ZNRF3: variants seen among roughly 807,000 people sequenced by gnomAD.
ZNRF3 encodes E3 ubiquitin-protein ligase ZNRF3.
ZNRF3 carries 23 observed loss-of-function variants against 72.5 expected under a neutral mutation model. The observed-to-expected ratio is 0.32, with a 90% confidence interval of 0.23 to 0.45. The LOEUF is 0.45. Among genes scored for constraint, ZNRF3 ranks in the 20% least tolerant of loss-of-function variants. The pLI is 1.00. For synonymous variants in ZNRF3, 610 were observed against 545.3 expected (o/e 1.12, Z -1.65); for missense variants, 1,169 against 1,272.1 (o/e 0.92, Z 1.23).
intron 1 of ZNRF3, among the ~76,000 whole-genome samples, chr22:28,911,988 A>G (rs1474095954): frequency 6.6e-6 from 1 of 152,228 alleles, no homozygotes; most frequent in African/African-American, 2.4e-5. Context: ...CACTGGGATA[A>G]ACTTTGTTTG....
chr22:29,038,559 G>A (rs1426087409), intron 2 of ZNRF3, among the ~76,000 whole-genome samples: 2 of 152,048 alleles, frequency 1.3e-5, no homozygotes, highest in African/African-American at 4.8e-5. Flanking sequence ...TTGAACTCCT[G>A]GCTTCAAGCA....
At chr22:28,912,618 A>G (rs1441012113) in intron 1 of ZNRF3, among the ~76,000 whole-genome samples, 1 of 151,632 alleles carries the variant, frequency 6.6e-6, no homozygotes, top group Non-Finnish European at 1.5e-5. Flanking sequence ...GGAGATCCAC[A>G]AAGACCGTCC....
In ZNRF3 at chr22:29,048,344, C is replaced by T; in HGVS notation, c.913-45C>T. ...TGCTGGACTCTGCAGGAGGACACAC[C>T]TGCGAGGCTGAAGGCAGACTTGTGT... On this transcript the variant is annotated intron_variant, in intron 6 of 8. Coordinates refer to ENST00000544604, the MANE Select transcript of ZNRF3 (RefSeq NM_001206998.2). The surrounding 1 kb of genome is among the most constrained non-coding windows in gnomAD (Gnocchi z 4.9). 6.4e-7 allele frequency: 1 copy of T among 1,559,770 alleles called. No homozygotes were observed. Among genetic ancestry groups the T allele is most frequent in the Non-Finnish European group, 8.8e-7 (1 of 1,132,804 alleles).
chr22:28,974,681 T>G (rs1336251550), intron 1 of ZNRF3, among the ~76,000 whole-genome samples: 1 of 152,246 alleles, frequency 6.6e-6, no homozygotes, highest in Non-Finnish European at 1.5e-5. Context: ...AGAGTCTCAC[T>G]CTTGTCCAGG....
At chr22:29,009,764 C>A (rs1263339610) in intron 2 of ZNRF3, among the ~76,000 whole-genome samples, 2 of 152,092 alleles carry the variant, frequency 1.3e-5, no homozygotes, top group African/African-American at 2.4e-5. Context: ...GACCTTGAAT[C>A]TTCTCTCTCT....
intron 1 of ZNRF3, among the ~76,000 whole-genome samples, chr22:28,960,813 A>C (rs1294285521): frequency 1.3e-5 from 2 of 152,046 alleles, no homozygotes; most frequent in African/African-American, 4.8e-5. Flanking sequence ...GATCCCCAGC[A>C]ATTCCAATTC....
At chr22:28,971,490 G>A (rs1252187114) in intron 1 of ZNRF3, among the ~76,000 whole-genome samples, 1 of 152,202 alleles carries the variant, frequency 6.6e-6, no homozygotes, top group Non-Finnish European at 1.5e-5. Flanking sequence ...TAGCATGAAA[G>A]TGGTTCTTTT....
intron 2 of ZNRF3, among the ~76,000 whole-genome samples, chr22:29,028,618 G>T (rs762076591): frequency 2.0e-4 from 31 of 152,318 alleles, no homozygotes; most frequent in Non-Finnish European, 2.2e-4. Flanking sequence ...TATGGAGAGA[G>T]GCTTAGGTCA....
At chr22:29,037,117 G>C (rs73882443) in intron 2 of ZNRF3, among the ~76,000 whole-genome samples, 2,503 of 152,236 alleles carry the variant, frequency 0.016, 77 homozygotes, top group African/African-American at 0.058. Flanking sequence ...CGCAATAAAG[G>C]GTAGGCACTA....
rs1320068916 is a variant in ZNRF3, at chr22:29,049,520, C to G, written c.1339C>G (p.Arg447Gly). The stretch of plus-strand genomic sequence containing the variant: ...GGCCTACTCCCCAGCCCACCCCTTC[C>G]GCAGGCCCAAGTTGAGTGGCCGCAG... ...HRAYSPAHPF[R>G]RPKLSGRSFS... The change falls in exon 8 of 9, where the codon CGC (arginine) becomes GGC (glycine). Residue 447 changes from arginine to glycine, a missense_variant. Arg to Gly is a moderately radical substitution (Grantham distance 125, BLOSUM62 -2). This residue lies in a region of ZNRF3 where 783 missense variants were observed against 731.4 expected (regional missense o/e 1.07). Transcript: ENST00000544604. The surrounding 1 kb of genome is among the most constrained non-coding windows in gnomAD (Gnocchi z 5.2). 2 of 1,604,970 alleles carry G rather than the reference C, an allele frequency of 1.2e-6. No homozygotes were observed. Among genetic ancestry groups the G allele is most frequent in the Middle Eastern group, 1.7e-4 (1 of 6,058 alleles).
intron 2 of ZNRF3, among the ~76,000 whole-genome samples, chr22:29,029,539 G>A (rs2036706292): frequency 6.6e-6 from 1 of 152,210 alleles, no homozygotes; most frequent in African/African-American, 2.4e-5. Context: ...GGACAGTCAT[G>A]CCAGAGGCCG....
At chr22:28,991,994 A>G (rs558022369) in intron 2 of ZNRF3, among the ~76,000 whole-genome samples, 1 of 152,140 alleles carries the variant, frequency 6.6e-6, no homozygotes, top group South Asian at 2.1e-4. Context: ...GAATAAAAAA[A>G]AAAAAATAAT....
chr22:28,890,382 C>T (rs2033862735), intron 1 of ZNRF3, among the ~76,000 whole-genome samples: 1 of 152,124 alleles, frequency 6.6e-6, no homozygotes, highest in Non-Finnish European at 1.5e-5. Context: ...GGCCTGTAGT[C>T]CCAGCTACTG....
chr22:28,951,972 C>G (rs1486884586), intron 1 of ZNRF3, among the ~76,000 whole-genome samples: 1 of 152,222 alleles, frequency 6.6e-6, no homozygotes, highest in East Asian at 1.9e-4. Flanking sequence ...CTGCTGGCCT[C>G]CACTTGCTCC....
intron 2 of ZNRF3, among the ~76,000 whole-genome samples, chr22:29,019,471 TC>T (rs2123858614): frequency 6.6e-6 from 1 of 152,256 alleles, no homozygotes; most frequent in South Asian, 2.1e-4. Flanking sequence ...TTAATTCTGT[TC>T]CCATATGAAA....
intron 1 of ZNRF3, among the ~76,000 whole-genome samples, chr22:28,937,621 G>A (rs1302787837): frequency 6.6e-6 from 1 of 152,070 alleles, no homozygotes; most frequent in Non-Finnish European, 1.5e-5. Flanking sequence ...CTTTGGGGTG[G>A]GGCCTGAGAA....
intron 6 of ZNRF3, among the ~76,000 whole-genome samples, chr22:29,047,630 G>C (rs2037100501): frequency 6.6e-6 from 1 of 152,178 alleles, no homozygotes; most frequent in Non-Finnish European, 1.5e-5. Flanking sequence ...CAGCATTCCA[G>C]GTGATCATGA....
At chr22:28,985,939 G>C (rs1196540531) in intron 1 of ZNRF3, among the ~76,000 whole-genome samples, 2 of 152,170 alleles carry the variant, frequency 1.3e-5, no homozygotes, top group Non-Finnish European at 2.9e-5. Flanking sequence ...TCAGCTTCTA[G>C]AGGCCATCGT....
chr22:29,015,313 T>G (rs1288540024), intron 2 of ZNRF3, among the ~76,000 whole-genome samples: 3 of 152,238 alleles, frequency 2.0e-5, no homozygotes, highest in Non-Finnish European at 2.9e-5. Context: ...TAACGCTTAT[T>G]GTAGCCTAAG....
Sources: gnomAD v4.1 joint callset for allele counts (sites outside exome capture counted in the v4.1 genomes callset) on GRCh38, gnomAD v4.1.1 for gene constraint, gnomAD v4.1.1 regional missense constraint, Gnocchi (gnomAD v3.1) non-coding constraint, MANE v1.5 for transcripts, NCBI Gene and HGNC (gene_info 2026-07-23, HGNC 2026-07-21) for gene names.